The following ZFR variants were observed in gnomAD, a reference collection of about 807,000 sequenced individuals.
ZFR encodes zinc finger RNA-binding protein.
In ZFR, 19 loss-of-function variants were observed where a neutral mutation model predicts 130.7. The observed-to-expected ratio is 0.15, with a 90% CI of 0.10 to 0.21. The LOEUF (loss-of-function observed/expected upper bound fraction) is 0.21, where lower values mean the gene tolerates loss of function less well. Ranked by LOEUF, ZFR falls within the 10% of genes least tolerant of loss-of-function variation. The pLI is 1.00. For synonymous variants in ZFR, 466 were observed against 456.9 expected, an observed-to-expected ratio of 1.02 and a Z score of -0.25; for missense variants, 872 against 1,321.5, an observed-to-expected ratio of 0.66 and a Z score of 5.27.
chr5:32,414,871 T>G, intron 5 of ZFR, 98 bp downstream of exon 5: 1 of 1,037,438 alleles, frequency 9.6e-7, no homozygotes, highest in Non-Finnish European at 1.4e-6. Context: ...TTAATTCCTA[T>G]TATTGGGAGT....
intron 15 of ZFR, chr5:32,383,909 CA>C (rs1189433677): frequency 1.0e-5 from 4 of 392,788 alleles, no homozygotes; most frequent in Non-Finnish European, 2.1e-5. Flanking sequence ...AAAATCTTTC[CA>C]TTTTGGACTG....
intron 17 of ZFR, among the ~76,000 whole-genome samples, chr5:32,377,309 T>C (rs568098663): frequency 6.6e-6 from 1 of 151,334 alleles, no homozygotes; most frequent in Admixed American, 6.6e-5. Context: ...CTCGGCTCAC[T>C]GCAACCTCTG....
chr5:32,406,733 T>G (rs1216377610), intron 6 of ZFR, 41 bp downstream of exon 6: 3 of 1,575,512 alleles, frequency 1.9e-6, no homozygotes, highest in Non-Finnish European at 2.6e-6. Context: ...CTACACTTAA[T>G]AACCACTGAA....
At chr5:32,357,149 A>G (rs1561852154) in intron 19 of ZFR, among the ~76,000 whole-genome samples, 2 of 151,758 alleles carry the variant, frequency 1.3e-5, no homozygotes, top group South Asian at 2.1e-4. Flanking sequence ...CACCTGGCTC[A>G]TTTTTCTATT....
chr5:32,432,249 A>G (rs1311588217), intron 2 of ZFR, among the ~76,000 whole-genome samples: 1 of 152,142 alleles, frequency 6.6e-6, no homozygotes, highest in East Asian at 1.9e-4. Flanking sequence ...TTTGTGCATC[A>G]AAGTTGAACA....
chr5:32,398,370 T>C (rs1297619901), intron 9 of ZFR, among the ~76,000 whole-genome samples: 1 of 152,222 alleles, frequency 6.6e-6, no homozygotes, highest in Admixed American at 6.5e-5. Flanking sequence ...AAAATTAAGA[T>C]GAAATTTTTT....
At chr5:32,400,512 C>G (rs1753425857) in intron 8 of ZFR, among the ~76,000 whole-genome samples, 1 of 152,170 alleles carries the variant, frequency 6.6e-6, no homozygotes, top group Non-Finnish European at 1.5e-5. Context: ...GCCCTAGTTT[C>G]TTGGCAAGTG....
In ZFR at chr5:32,389,988, T is replaced by G. The variant is rs567704849; in HGVS notation, c.2142+287A>C. ...CAACGTGGCGAAACTCTATCTCTAC[T>G]AATAATACAAAAATTAGCCAAGTGT... On this transcript the variant is annotated intron_variant, in intron 12 of 19. Coordinates refer to ENST00000265069, the MANE Select transcript of ZFR (RefSeq NM_016107.5). Among the ~76,000 whole-genome samples, 11 of 152,302 alleles carry G rather than the reference T, an allele frequency of 7.2e-5. No homozygotes were observed. In the East Asian group the frequency reaches 1.9e-3, roughly 27 times the overall value.
At chr5:32,440,571 C>T (rs995107639) in intron 2 of ZFR, among the ~76,000 whole-genome samples, 3 of 151,578 alleles carry the variant, frequency 2.0e-5, no homozygotes, top group Non-Finnish European at 2.9e-5. Flanking sequence ...CACTTGAACC[C>T]GAGAGGCAGA....
At chr5:32,409,532 A>G (rs1317507176) in intron 5 of ZFR, among the ~76,000 whole-genome samples, 1 of 151,530 alleles carries the variant, frequency 6.6e-6, no homozygotes, top group Non-Finnish European at 1.5e-5. Context: ...CAGCCTCCCA[A>G]GTAGCTGGGA....
At chr5:32,397,788 T>C (rs1190652026) in intron 9 of ZFR, among the ~76,000 whole-genome samples, 1 of 145,594 alleles carries the variant, frequency 6.9e-6, no homozygotes, top group Non-Finnish European at 1.5e-5. Flanking sequence ...ACTGTAGAAA[T>C]GGGAATGAAA....
intron 19 of ZFR, among the ~76,000 whole-genome samples, chr5:32,363,507 C>A (rs1055237351): frequency 6.6e-6 from 1 of 152,088 alleles, no homozygotes; most frequent in African/African-American, 2.4e-5. Flanking sequence ...GTAGTCAAAT[C>A]CAGGGAGTCT....
Position 32,373,087 on chromosome 5 carries a change from AC to A in ZFR, c.2835+6027del, listed in dbSNP as rs148022963. 5.6e-3 allele frequency among the ~76,000 whole-genome samples: 845 copies of A among 152,246 alleles called. 9 individuals carry two copies. Among genetic ancestry groups the A allele is most frequent in the African/African-American group, 0.02 (820 of 41,544 alleles). ...CCAAAACAAAAGTAACCCTCCTTCAACTGTGCAGAATATAAAAATTCCCTTG... is the reference window on the plus strand; with the variant it reads ...CCAAAACAAAAGTAACCCTCCTTCAATGTGCAGAATATAAAAATTCCCTTG... On this transcript the variant is annotated intron_variant, in intron 17 of 19. Transcript: ENST00000265069.
intron 5 of ZFR, among the ~76,000 whole-genome samples, chr5:32,409,133 A>G (rs1274036609): frequency 2.0e-5 from 3 of 152,162 alleles, no homozygotes; most frequent in East Asian, 1.9e-4. Context: ...CTCAAGCTTT[A>G]TATCACTCTT....
At chr5:32,393,211 A>AT (rs575340115) in intron 11 of ZFR, among the ~76,000 whole-genome samples, 7 of 152,306 alleles carry the variant, frequency 4.6e-5, no homozygotes, top group East Asian at 1.9e-4. Flanking sequence ...CTGTGGAATA[A>AT]TTTTTTTACT....
rs181206651 is a variant in ZFR at position 32,404,479 on chromosome 5, T to C, written c.1033-382A>G. Among the ~76,000 whole-genome samples the C allele has an allele frequency of 4.3e-4, 65 of 152,298 alleles. 1 individual carries two copies. Among genetic ancestry groups the C allele is most frequent in the African/African-American group, 1.5e-3 (63 of 41,578 alleles). ...AGATGAGGCGGGGGAGATGTGCCTA[T>C]ACCATTAGAAGAAAGAAAAAGTTAC... On this transcript the variant is annotated intron_variant, in intron 6 of 19. Transcript: ENST00000265069.
At chr5:32,361,104 T>C (rs1206888473) in intron 19 of ZFR, among the ~76,000 whole-genome samples, 3 of 152,240 alleles carry the variant, frequency 2.0e-5, no homozygotes, top group Admixed American at 1.3e-4. Flanking sequence ...CGTGAGCCAC[T>C]GTGCCTGGCT....
intron 17 of ZFR, among the ~76,000 whole-genome samples, chr5:32,377,013 C>T (rs1414245132): frequency 4.8e-5 from 7 of 144,942 alleles, no homozygotes; most frequent in South Asian, 2.2e-4. Context: ...AAAATTTAGC[C>T]GGGCGTGGTG....
At position 32,355,566 on chromosome 5, in the gene ZFR, T is replaced by G. The variant is rs1363077789; in HGVS notation, c.*194A>C. ...CTGTTTTCCCCCTAGTCGGAGCACA[T>G]TTTTTTTTTTGGGTGTCTTTCCATT... On this transcript the variant is annotated 3_prime_UTR_variant, in exon 20 of 20. Coordinates refer to ENST00000265069, the MANE Select transcript of ZFR (RefSeq NM_016107.5). 5 of 192,760 alleles carry G rather than the reference T, an allele frequency of 2.6e-5. No homozygotes were observed. Among genetic ancestry groups the G allele is most frequent in the Non-Finnish European group, 5.0e-5 (5 of 100,062 alleles). 11.9% of individuals were successfully genotyped at this position (192,760 alleles called of 1,614,324 possible).
Sources: gnomAD v4.1 joint callset for allele counts (sites outside exome capture counted in the v4.1 genomes callset) on GRCh38, gnomAD v4.1.1 for gene constraint, MANE v1.5 for transcripts, NCBI Gene and HGNC (gene_info 2026-07-23, HGNC 2026-07-21) for gene names.